Variants in NLRP5 observed in about 807,000 individuals in gnomAD.
The protein encoded by NLRP5 is NLR family pyrin domain containing 5, also known as NACHT, LRR and PYD domains-containing protein 5.
A neutral mutation model predicts 113.1 loss-of-function variants in NLRP5; 93 were observed. The ratio of observed to expected loss-of-function variants is 0.82; its 90% confidence interval spans 0.70 to 0.98. The LOEUF (loss-of-function observed/expected upper bound fraction) is 0.98, where lower values mean the gene tolerates loss of function less well. NLRP5 is among the 50% of genes least tolerant of loss of function. The probability of loss-of-function intolerance (pLI) is 0.00; values close to 1 mark genes in which losing one functional copy is unlikely to be tolerated. For synonymous variants in NLRP5, 751 were observed against 600.7 expected (o/e 1.25, Z -3.66); for missense variants, 1,808 against 1,514.3 (o/e 1.19, Z -3.22).
intron 11 of NLRP5, among the ~76,000 whole-genome samples, chr19:56,041,295 G>GA (rs1296695529): frequency 3.9e-5 from 6 of 152,058 alleles, no homozygotes; most frequent in African/African-American, 1.4e-4. Flanking sequence ...CTTACAGTGG[G>GA]AAGTCATTTG....
At chr19:56,061,138 A>G (rs1465693951) in intron 14 of NLRP5, among the ~76,000 whole-genome samples, 1 of 152,228 alleles carries the variant, frequency 6.6e-6, no homozygotes, top group Admixed American at 6.5e-5. Flanking sequence ...CCAGTCTGCC[A>G]TACTTTTTCT....
At chr19:56,010,854 T>C (rs1326747001) in intron 3 of NLRP5, among the ~76,000 whole-genome samples, 2 of 149,352 alleles carry the variant, frequency 1.3e-5, no homozygotes, top group African/African-American at 4.9e-5. Context: ...TTATTTGGCA[T>C]AAAAAGGAAT....
At chr19:56,047,502 C>T (rs565224715) in intron 11 of NLRP5, among the ~76,000 whole-genome samples, 2 of 152,040 alleles carry the variant, frequency 1.3e-5, no homozygotes, top group Admixed American at 1.3e-4. Context: ...CATTCAGGAG[C>T]AGGTTATTTA....
rs528541661 is a variant in NLRP5 at position 56,043,596 on chromosome 19, C to T, written c.2957+2504C>T. On this transcript the variant is annotated intron_variant, in intron 11 of 14. Coordinates refer to ENST00000390649, the MANE Select transcript of NLRP5 (RefSeq NM_153447.4). The stretch of plus-strand genomic sequence containing the variant: ...TTTTTTTTTTTTTGAGATGGAGTCT[C>T]GCTCTGTCGCCCAGGCTGCAGTGCA... Among the ~76,000 whole-genome samples the T allele has an allele frequency of 1.1e-3, 119 of 108,790 alleles. 1 individual carries two copies. The highest frequency in any genetic ancestry group is 3.5e-3 in the African/African-American group (95 of 27,108). The allele number at this position is 108,790 out of a possible 152,430, so 71.4% of individuals were successfully genotyped here. A position where few individuals can be genotyped will look rare whatever the true frequency, so the allele number is the denominator to read the frequency against.
chr19:56,002,825 AT>A (rs1423101308), intron 1 of NLRP5, among the ~76,000 whole-genome samples: 1 of 152,036 alleles, frequency 6.6e-6, no homozygotes, highest in Non-Finnish European at 1.5e-5. Flanking sequence ...ATAGTATTCC[AT>A]GGTGTATATG....
chr19:56,022,422 T>C (rs1982650961), intron 6 of NLRP5, among the ~76,000 whole-genome samples: 1 of 151,856 alleles, frequency 6.6e-6, no homozygotes, highest in South Asian at 2.1e-4. Flanking sequence ...GGGCAGGGGG[T>C]CTCGCTATGT....
chr19:56,010,250 G>T (rs61701476), intron 3 of NLRP5, among the ~76,000 whole-genome samples: 10,935 of 152,158 alleles, frequency 0.072, 434 homozygotes, highest in Non-Finnish European at 0.078. Flanking sequence ...CATGCAGCGA[G>T]ACCCAGAAGC....
At chr19:55,996,017 T>G (rs1166038997), upstream of NLRP5, among the ~76,000 whole-genome samples, 1 of 142,940 alleles carries the variant, frequency 7.0e-6, no homozygotes, top group African/African-American at 2.6e-5. Flanking sequence ...TTTACTGAAT[T>G]CCTTTATCAG....
chr19:55,992,511 C>G, the NLRP5 span, among the ~76,000 whole-genome samples: 1 of 152,160 alleles, frequency 6.6e-6, no homozygotes, highest in African/African-American at 2.4e-5. Context: ...CCATTTTTTC[C>G]TGCAACCTCA....
At position 56,004,039 on chromosome 19, in the gene NLRP5, T is replaced by C. The variant is rs780318657; in HGVS notation, c.386T>C (p.Ile129Thr). The change falls in exon 2 of 15, where the codon ATC (isoleucine) becomes ACC (threonine). Residue 129 changes from isoleucine to threonine, a missense_variant. Physicochemically the swap from Ile to Thr is moderately conservative, Grantham distance 89. Transcript: ENST00000390649. ...CTGGCCTGGGCTACGTCCATTAGCA[T>C]CTTTGAAAACATGAACCTGCGAACC... The C allele has an allele frequency of 6.8e-6, 11 of 1,613,548 alleles. No individual in the cohort carries two copies. The highest frequency in any genetic ancestry group is 6.8e-6 in the Non-Finnish European group (8 of 1,179,714).
the NLRP5 span, among the ~76,000 whole-genome samples, chr19:55,990,072 C>CTTTT: frequency 1.3e-5 from 1 of 76,482 alleles, no homozygotes. Flanking sequence ...TCTTTTTTTT[C>CTTTT]TTTTTTCTTT....
In NLRP5 at chr19:56,055,022, C is replaced by CA. The variant is rs1040856903; in HGVS notation, c.3299+1215dup. Among the ~76,000 whole-genome samples, 11 of 101,588 alleles carry CA rather than the reference C, an allele frequency of 1.1e-4. No homozygotes were observed. The Admixed American group carries it at 1.6e-3, about 15-fold the overall frequency. 66.6% of individuals were successfully genotyped at this position (101,588 alleles called of 152,430 possible). Reference sequence around the variant, plus strand: ...TTTTTTTTTTTTTTTTTTTTTGAGACAGAGTCTTACTCTGTCACCCAGGCT... The same window carrying CA: ...TTTTTTTTTTTTTTTTTTTTTGAGACAAGAGTCTTACTCTGTCACCCAGGCT... On this transcript the variant is annotated intron_variant, in intron 13 of 14. Coordinates refer to ENST00000390649, the MANE Select transcript of NLRP5 (RefSeq NM_153447.4).
At chr19:56,044,747 ATGG>A (rs1983659978) in intron 11 of NLRP5, among the ~76,000 whole-genome samples, 1 of 152,062 alleles carries the variant, frequency 6.6e-6, no homozygotes, top group Non-Finnish European at 1.5e-5. Context: ...GTGAAGAATG[ATGG>A]TGGTATTTTG....
the NLRP5 span, chr19:55,988,053 A>G: frequency 3.1e-6 from 2 of 652,204 alleles, no homozygotes; most frequent in Non-Finnish European, 5.5e-6. Context: ...ACAGAACCTC[A>G]GCTTTGAACC....
Position 56,020,357 on chromosome 19 carries a change from G to A in NLRP5, c.623-18G>A. Reference sequence around the variant, plus strand: ...TCGAATAATAAACACAAGTATGTTGGAATTCATTCTTTTGCAGAAATTTCA... The same window carrying A: ...TCGAATAATAAACACAAGTATGTTGAAATTCATTCTTTTGCAGAAATTTCA... On this transcript the variant is annotated intron_variant, in intron 5 of 14. Transcript: ENST00000390649. 6.2e-7 allele frequency: 1 copy of A among 1,610,024 alleles called. No individual in the cohort carries two copies. The highest frequency in any genetic ancestry group is 8.5e-7 in the Non-Finnish European group (1 of 1,177,454).
intron 1 of NLRP5, among the ~76,000 whole-genome samples, chr19:55,999,957 G>T (rs1194212123): frequency 6.6e-6 from 1 of 152,204 alleles, no homozygotes; most frequent in Admixed American, 6.5e-5. Flanking sequence ...GCAGGAAAAA[G>T]CCTATTACTT....
intron 3 of NLRP5, among the ~76,000 whole-genome samples, chr19:56,014,925 A>T (rs1489286455): frequency 6.6e-6 from 1 of 152,120 alleles, no homozygotes; most frequent in Non-Finnish European, 1.5e-5. Context: ...AATCAGCTTT[A>T]CAATTTCTGC....
chr19:56,026,698 C>T (rs1982866324), intron 6 of NLRP5, among the ~76,000 whole-genome samples: 1 of 151,578 alleles, frequency 6.6e-6, no homozygotes, highest in East Asian at 2.0e-4. Flanking sequence ...CCTGCCTCAG[C>T]CTCCTGAGTA....
chr19:56,059,671 A>AT (rs1164479921), intron 14 of NLRP5, among the ~76,000 whole-genome samples: 4 of 152,084 alleles, frequency 2.6e-5, no homozygotes, highest in Admixed American at 6.6e-5. Flanking sequence ...AGTGGCTGGG[A>AT]TTATAGGTAC....
Sources: allele counts gnomAD v4.1 joint callset (sites outside exome capture counted in the v4.1 genomes callset), GRCh38; gene constraint gnomAD v4.1.1; transcripts MANE v1.5; gene names NCBI Gene and HGNC (gene_info 2026-07-23, HGNC 2026-07-21).